Variants in LTBP4 observed in about 807,000 individuals in gnomAD.
LTBP4 encodes the protein latent transforming growth factor beta binding protein 4, also known as latent-transforming growth factor beta-binding protein 4.
In LTBP4, 93 loss-of-function variants were observed where a neutral mutation model predicts 180.2. The ratio of observed to expected loss-of-function variants is 0.52; its 90% CI spans 0.44 to 0.61. The LOEUF (loss-of-function observed/expected upper bound fraction) is 0.61, where lower values mean the gene tolerates loss of function less well. LTBP4 is among the 20% of genes least tolerant of loss of function. The pLI, the probability that LTBP4 is intolerant of heterozygous loss-of-function variation, is 0.00. For synonymous variants in LTBP4, 947 were observed against 934.5 expected (o/e 1.01, Z -0.24); for missense variants, 2,116 against 2,256.5 (o/e 0.94, Z 1.26).
At position 40,606,599 on chromosome 19, in the gene LTBP4, C is replaced by T. The variant is rs111571724; in HGVS notation, c.991+73C>T. ...TCAGAAGTCCCAGAGCATCCTGGGG[C>T]CTTTAATTCCCTCGGACCCCCCCAG... On this transcript the variant is annotated intron_variant, in intron 6 of 29. Transcript: ENST00000396819. 2.0e-3 allele frequency: 2,963 copies of T among 1,505,368 alleles called. 47 individuals carry two copies. In the African/African-American group the frequency reaches 0.035, roughly 18 times the overall value. The allele number at this position is 1,505,368 out of a possible 1,614,324, so 93.3% of individuals were successfully genotyped here.
chr19:40,612,945 C>T lies in LTBP4; in HGVS notation c.2300-120C>T. 2 of 984,898 alleles carry T rather than the reference C, an allele frequency of 2.0e-6. 1 individual carries two copies. The highest frequency in any genetic ancestry group is 3.2e-5 in the African/African-American group (2 of 62,230). The allele number at this position is 984,898 out of a possible 1,614,324, so 61.0% of individuals were successfully genotyped here. A position where few individuals can be genotyped will look rare whatever the true frequency, so the allele number is the denominator to read the frequency against. On this transcript the variant is annotated intron_variant, in intron 15 of 29. Transcript: ENST00000396819. ...GCCCTACCCACCTCTGCCATAGAGC[C>T]CTCCCCCAGCCTCCAACTCATGAGA...
chr19:40,623,471 G>A, intron 24 of LTBP4, 133 bp from the exon 25 acceptor site: 1 of 1,171,936 alleles, frequency 8.5e-7, no homozygotes. Flanking sequence ...CACCGCTCCT[G>A]GCCTCTCCAT....
upstream of LTBP4, chr19:40,597,483 T>C (rs1170673718): frequency 2.6e-5 from 33 of 1,281,620 alleles, no homozygotes; most frequent in East Asian, 8.3e-4. Flanking sequence ...ACTGCTTCGA[T>C]GTGGAGATGC....
upstream of LTBP4, among the ~76,000 whole-genome samples, chr19:40,596,641 A>G (rs1011563681): frequency 1.3e-5 from 2 of 152,094 alleles, no homozygotes; most frequent in African/African-American, 2.4e-5. Context: ...GAAGAGATCA[A>G]TTCTTTGAGA....
At chr19:40,599,466 C>G, upstream of LTBP4, 2 of 1,613,904 alleles carry the variant, frequency 1.2e-6, no homozygotes, top group Non-Finnish European at 1.7e-6. Context: ...TGTGCAGGCC[C>G]CCAGCGGTGC....
At chr19:40,598,957 C>T (rs2081405793), upstream of LTBP4, among the ~76,000 whole-genome samples, 2 of 152,098 alleles carry the variant, frequency 1.3e-5, no homozygotes, top group Non-Finnish European at 1.5e-5. Context: ...TAAAATCGTA[C>T]GCCAAAATCT....
At position 40,613,344 on chromosome 19, in the gene LTBP4, G is replaced by A; in HGVS notation, c.2432-60G>A. 2 of 1,573,156 alleles carry A rather than the reference G, an allele frequency of 1.3e-6. No individual in the cohort carries two copies. Among genetic ancestry groups the A allele is most frequent in the Non-Finnish European group, 1.7e-6 (2 of 1,161,272 alleles). On this transcript the variant is annotated intron_variant, in intron 16 of 29. Coordinates refer to ENST00000396819, the MANE Select transcript of LTBP4 (RefSeq NM_001042545.2). The surrounding 1 kb of genome is among the most constrained non-coding windows in gnomAD (Gnocchi z 5.0). ...GTGGGGGCGGGGTTACTGCGATGTGGGCGGAGCTTGTCTGGGAGGCCGGGT... is the reference window on the plus strand; with the variant it reads ...GTGGGGGCGGGGTTACTGCGATGTGAGCGGAGCTTGTCTGGGAGGCCGGGT...
intron 14 of LTBP4, 43 bp downstream of exon 14, chr19:40,612,027 G>C (rs772527394): frequency 4.3e-6 from 7 of 1,612,340 alleles, no homozygotes; most frequent in Non-Finnish European, 5.9e-6. Context: ...GGGTGAGGGG[G>C]GAGTTGGACC....
Position 40,613,810 on chromosome 19 carries a change from G to A in LTBP4, c.2558-106G>A, listed in dbSNP as rs981289160. 35 of 1,519,776 alleles carry A rather than the reference G, an allele frequency of 2.3e-5. No homozygotes were observed. Among genetic ancestry groups the A allele is most frequent in the Non-Finnish European group, 3.0e-5 (34 of 1,114,906 alleles). The allele number at this position is 1,519,776 out of a possible 1,614,324, so 94.1% of individuals were successfully genotyped here. ...GGGAAGTAGCGTGAGGCAGGTTGGG[G>A]AAGGCGTGAGAGGCCTAGGAGAGCC... On this transcript the variant is annotated intron_variant, in intron 17 of 29. Coordinates refer to ENST00000396819, the MANE Select transcript of LTBP4 (RefSeq NM_001042545.2). This position sits in a 1 kb window ranked among gnomAD's most constrained non-coding sequence, Gnocchi z 5.0.
intron 5 of LTBP4, 24 bp from the exon 6 acceptor site, chr19:40,606,380 C>T (rs776780803): frequency 1.2e-6 from 2 of 1,606,342 alleles, no homozygotes; most frequent in Non-Finnish European, 1.7e-6. Context: ...CCTGACTCCA[C>T]GGTGACCTCC....
chr19:40,627,427 CAG>C lies in LTBP4; in HGVS notation c.4366+74_4366+75del, dbSNP rs575843841. 247 of 1,437,492 alleles carry C rather than the reference CAG, an allele frequency of 1.7e-4. 3 individuals carry two copies. In the South Asian group the frequency reaches 2.5e-3, roughly 14 times the overall value. 89.0% of individuals were successfully genotyped at this position (1,437,492 alleles called of 1,614,324 possible). A position where few individuals can be genotyped will look rare whatever the true frequency, so the allele number is the denominator to read the frequency against. On this transcript the variant is annotated intron_variant, in intron 28 of 29. Transcript: ENST00000396819. The stretch of plus-strand genomic sequence containing the variant: ...TGCACGGAGAGAGGAGGGAGGGAAA[CAG>C]AAGGCGGGAGGAGAGACGGAACACA...
At position 40,620,496 on chromosome 19, in the gene LTBP4, C is replaced by T. The variant is rs140496463; in HGVS notation, c.3217+1003C>T. On this transcript the variant is annotated intron_variant, in intron 22 of 29. Coordinates refer to ENST00000396819, the MANE Select transcript of LTBP4 (RefSeq NM_001042545.2). ...AATTTTTAAATGTTACATATTTAGGCTAGGATTGGTGGCTGAAGGCCATAA... is the reference window on the plus strand; with the variant it reads ...AATTTTTAAATGTTACATATTTAGGTTAGGATTGGTGGCTGAAGGCCATAA... 6.2e-3 allele frequency among the ~76,000 whole-genome samples: 937 copies of T among 150,942 alleles called. 6 individuals carry two copies. The highest frequency in any genetic ancestry group is 9.4e-3 in the Non-Finnish European group (639 of 67,878).
chr19:40,598,136 C>A (rs970114571), upstream of LTBP4, among the ~76,000 whole-genome samples: 21 of 142,818 alleles, frequency 1.5e-4, no homozygotes, highest in East Asian at 1.7e-3. Flanking sequence ...CCCCGCCTGG[C>A]GGCCCAGCGC....
intron 19 of LTBP4, chr19:40,615,201 G>GGGT (rs1568409305): frequency 6.8e-6 from 1 of 146,868 alleles, no homozygotes; most frequent in African/African-American, 2.5e-5. Flanking sequence ...GGCGGGGGGG[G>GGGT]GGGGGCGGTG....
At position 40,604,488 on chromosome 19, in the gene LTBP4, G is replaced by T. The variant is rs559100018; in HGVS notation, c.251-547G>T. On this transcript the variant is annotated intron_variant, in intron 1 of 29. Coordinates refer to ENST00000396819, the MANE Select transcript of LTBP4 (RefSeq NM_001042545.2). Reference sequence around the variant, plus strand: ...GAATGGGCGGGGTCAGCGCCGTCTGGGCTGGTCTGGAACTCCGTGGACTCA... The same window carrying T: ...GAATGGGCGGGGTCAGCGCCGTCTGTGCTGGTCTGGAACTCCGTGGACTCA... Among the ~76,000 whole-genome samples the T allele has an allele frequency of 3.4e-4, 51 of 152,208 alleles. No individual in the cohort carries two copies. In the South Asian group the frequency reaches 9.5e-3, roughly 28 times the overall value.
In LTBP4 at chr19:40,627,691, C is replaced by T; in HGVS notation, c.4367-14C>T. The T allele has an allele frequency of 6.3e-7, 1 of 1,578,992 alleles. No individual in the cohort carries two copies. The highest frequency in any genetic ancestry group is 1.2e-5 in the South Asian group (1 of 85,890). ...CAGGGACCTCAAGTCATAGGGTCCCCGCATTTCCCACAGGTTCCCTGGCTG... is the reference window on the plus strand; with the variant it reads ...CAGGGACCTCAAGTCATAGGGTCCCTGCATTTCCCACAGGTTCCCTGGCTG... On this transcript the variant is annotated splice_polypyrimidine_tract_variant and intron_variant, in intron 28 of 29. Coordinates refer to ENST00000396819, the MANE Select transcript of LTBP4 (RefSeq NM_001042545.2).
chr19:40,611,251 G>A lies in LTBP4; in HGVS notation c.1910G>A (p.Gly637Asp). Reference protein sequence around the residue: ...FRCVCPAGFRGSACEEDVDEC... With the variant: ...FRCVCPAGFRDSACEEDVDEC... ...TGTGTTTGCCCGGCTGGCTTCCGGG[G>A]CTCGGCGTGTGAAGAGGATGTGGAT... The change falls in exon 13 of 30, where the codon GGC becomes GAC. Residue 637 changes from glycine (G) to aspartate (D), a missense_variant. Physicochemically the swap from Gly to Asp is moderately conservative, Grantham distance 94. Coordinates refer to ENST00000396819, the MANE Select transcript of LTBP4 (RefSeq NM_001042545.2). This position sits in a 1 kb window ranked among gnomAD's most constrained non-coding sequence, Gnocchi z 4.4. 6.2e-7 allele frequency: 1 copy of A among 1,613,108 alleles called. No homozygotes were observed. The highest frequency in any genetic ancestry group is 8.5e-7 in the Non-Finnish European group (1 of 1,179,582).
At chr19:40,618,193 G>A (rs1467140086) in intron 21 of LTBP4, among the ~76,000 whole-genome samples, 2 of 151,170 alleles carry the variant, frequency 1.3e-5, no homozygotes, top group East Asian at 1.9e-4. Context: ...CTGAGCTTCC[G>A]AGTAGCTGCT....
upstream of LTBP4, among the ~76,000 whole-genome samples, chr19:40,596,572 T>C (rs1355807653): frequency 6.6e-6 from 1 of 152,026 alleles, no homozygotes; most frequent in Non-Finnish European, 1.5e-5. Flanking sequence ...GGGACAGAGC[T>C]TCGGGGAGCA....
Sources: gnomAD v4.1 joint callset for allele counts (sites outside exome capture counted in the v4.1 genomes callset) on GRCh38, gnomAD v4.1.1 for gene constraint, Gnocchi (gnomAD v3.1) non-coding constraint, MANE v1.5 for transcripts, NCBI Gene and HGNC (gene_info 2026-07-23, HGNC 2026-07-21) for gene names.